Variants in AHNAK observed in about 807,000 individuals in gnomAD.
The protein encoded by AHNAK is neuroblast differentiation-associated protein AHNAK.
AHNAK carries 23 observed loss-of-function variants against 37.8 expected under a neutral mutation model. The ratio of observed to expected loss-of-function variants is 0.61; its 90% CI spans 0.44 to 0.86. The LOEUF (loss-of-function observed/expected upper bound fraction) is 0.86, where lower values mean the gene tolerates loss of function less well. AHNAK is among the 40% of genes least tolerant of loss of function. AHNAK has a pLI of 0.00. For synonymous variants in AHNAK, 2,481 were observed against 2,636.3 expected (o/e 0.94, Z 1.80); for missense variants, 7,411 against 7,319.4 (o/e 1.01, Z -0.46).
At chr11:62,490,795 GT>G (rs781203120) in intron 5 of AHNAK, among the ~76,000 whole-genome samples, 63 of 149,554 alleles carry the variant, frequency 4.2e-4, no homozygotes, top group Non-Finnish European at 8.5e-4. Context: ...GTTTTGTTTT[GT>G]TTTTTTGGGA....
At chr11:62,443,100 T>C (rs1938346142) in intron 5 of AHNAK, among the ~76,000 whole-genome samples, 1 of 150,542 alleles carries the variant, frequency 6.6e-6, no homozygotes. Flanking sequence ...GCCTCCCAAG[T>C]AGCTGGGACT....
At chr11:62,465,570 G>A (rs1938894515) in intron 5 of AHNAK, among the ~76,000 whole-genome samples, 2 of 151,990 alleles carry the variant, frequency 1.3e-5, no homozygotes, top group African/African-American at 4.8e-5. Context: ...CCAAGATCGT[G>A]CCATTGCACT....
Position 62,529,076 on chromosome 11 carries a change from CCTTGGGAGCTTTTATATTCAA to C in AHNAK, c.5320_5340del (p.Leu1774_Lys1780del), listed in dbSNP as rs772711162. The C allele has an allele frequency of 3.7e-5, 59 of 1,613,794 alleles. No individual in the cohort carries two copies. In the African/African-American group the frequency reaches 4.5e-4, roughly 12 times the overall value. ...TTCAAGTCCACATCTGGCATGGAGA[CCTTGGGAGCTTTTATATTCAA>C]CTTGGGCATCTTAAATTTGGAGCCT... On this transcript the variant is annotated inframe_deletion, in exon 5 of 5. Transcript: ENST00000378024.
chr11:62,491,924 A>G, intron 4 of AHNAK: 2 of 1,185,380 alleles, frequency 1.7e-6, no homozygotes, highest in East Asian at 2.6e-5. Flanking sequence ...ATAAAATACC[A>G]GAGACCCCAC....
Position 62,532,649 on chromosome 11 carries a change from T to TG in AHNAK, c.1767dup (p.Thr590HisfsTer13), listed in dbSNP as rs1452953633. On this transcript the variant is annotated frameshift_variant, in exon 5 of 5. Transcript: ENST00000378024. LOFTEE classifies it low-confidence loss of function (END_TRUNC). ...ACTTTCCCTTCTACTCTGGGGAGTG[T>TG]GACATCTACACCCCCTTTCACTTTA... 6.2e-7 allele frequency: 1 copy of TG among 1,611,698 alleles called. No individual in the cohort carries two copies.
intron 5 of AHNAK, among the ~76,000 whole-genome samples, chr11:62,464,542 C>T (rs1938863756): frequency 6.6e-6 from 1 of 152,056 alleles, no homozygotes; most frequent in South Asian, 2.1e-4. Flanking sequence ...GTGCCACGCA[C>T]CTGTAGTCCC....
intron 5 of AHNAK, among the ~76,000 whole-genome samples, chr11:62,434,734 G>C (rs1485768830): frequency 6.6e-6 from 1 of 152,050 alleles, no homozygotes; most frequent in Non-Finnish European, 1.5e-5. Flanking sequence ...TCAAGACCAG[G>C]CTGACCAACA....
intron 5 of AHNAK, among the ~76,000 whole-genome samples, chr11:62,477,136 C>T (rs566778248): frequency 1.3e-5 from 2 of 152,158 alleles, no homozygotes; most frequent in African/African-American, 2.4e-5. Context: ...GCAGGGAAAA[C>T]GCTTCCACAA....
chr11:62,508,781 C>A (rs1346306397), intron 4 of AHNAK, among the ~76,000 whole-genome samples: 1 of 152,192 alleles, frequency 6.6e-6, no homozygotes, highest in African/African-American at 2.4e-5. Flanking sequence ...GGCATTCATG[C>A]ATGGAATTCT....
Position 62,527,583 on chromosome 11 carries a change from C to T in AHNAK, c.6834G>A (p.Lys2278=). The change falls in exon 5 of 5, where the codon AAG becomes AAA. Residue 2278 remains lysine, a synonymous_variant. Transcript: ENST00000378024. ...PKADVDVSGP[K]VDVEVPDVSL... ...TCACATCTGGGACTTCAACATCCAC[C>T]TTGGGTCCTGAGACATCAACGTCAG... 6.2e-7 allele frequency: 1 copy of T among 1,613,200 alleles called. No homozygotes were observed. The highest frequency in any genetic ancestry group is 8.5e-7 in the Non-Finnish European group (1 of 1,179,830).
chr11:62,509,081 C>T (rs1047502371), intron 4 of AHNAK, among the ~76,000 whole-genome samples: 7 of 152,120 alleles, frequency 4.6e-5, no homozygotes, highest in Admixed American at 3.9e-4. Context: ...CCTCCTGACA[C>T]GAGGCACCAA....
At chr11:62,433,841 C>CA in exon 6 of AHNAK, 1 of 1,613,512 alleles carries the variant, frequency 6.2e-7, no homozygotes, top group South Asian at 1.1e-5. Context: ...AGAACGGTCA[C>CA]AAAAACAACC....
In AHNAK at chr11:62,525,132, G is replaced by A. The variant is rs767657390; in HGVS notation, c.9285C>T (p.Asp3095=). The change falls in exon 5 of 5, where the codon GAC becomes GAT. Residue 3095 remains aspartate, a synonymous_variant. Transcript: ENST00000378024. ...NIKAPKISMP[D]IDLNLKGPKV... ...TGGGACCTTTCAGGTTAAGATCAAT[G>A]TCAGGCATGGAGATCTTGGGGGCTT... The A allele has an allele frequency of 4.3e-5, 69 of 1,613,768 alleles. No homozygotes were observed. The South Asian group carries it at 6.4e-4, about 15-fold the overall frequency.
chr11:62,525,448 C>G lies in AHNAK; in HGVS notation c.8969G>C (p.Gly2990Ala). The change falls in exon 5 of 5, where the codon GGT (glycine) becomes GCT (alanine). Residue 2990 changes from glycine to alanine, a missense_variant. Gly to Ala is a moderately conservative substitution (Grantham distance 60). Coordinates refer to ENST00000378024, the MANE Select transcript of AHNAK (RefSeq NM_001620.3). Reference protein sequence around the residue: ...DVDISLPKVEGDLKGPEVDIR... With the variant: ...DVDISLPKVEADLKGPEVDIR... ...GTCAACTTCAGGGCCCTTGAGGTCA[C>G]CTTCCACTTTGGGCAGAGAAATATC... 1 of 1,613,554 alleles carries G rather than the reference C, an allele frequency of 6.2e-7. No individual in the cohort carries two copies. The highest frequency in any genetic ancestry group is 8.5e-7 in the Non-Finnish European group (1 of 1,179,968).
rs1222764918 is a variant in AHNAK, at chr11:62,518,182, C to T, written c.16235G>A (p.Gly5412Asp). The T allele has an allele frequency of 6.2e-7, 1 of 1,614,172 alleles. No homozygotes were observed. ...CAAGTCGGACCCCGGAGTAGAGATG[C>T]CAAATTGGGGCAGCTTCATTTTGGG... ...KLPKMKLPQF[G>D]ISTPGSDLHV... is the part of the protein sequence containing the mutation. The change falls in exon 5 of 5, where the codon GGC becomes GAC. Residue 5412 changes from glycine to aspartate, a missense_variant. Transcript: ENST00000378024.
At chr11:62,540,599 C>A (rs918898340) in intron 1 of AHNAK, among the ~76,000 whole-genome samples, 4 of 152,166 alleles carry the variant, frequency 2.6e-5, no homozygotes, top group African/African-American at 9.7e-5. Context: ...CGCTTGAACC[C>A]AGGAGTTTGA....
At chr11:62,486,509 A>G (rs73498090) in intron 5 of AHNAK, among the ~76,000 whole-genome samples, 21,278 of 127,264 alleles carry the variant, frequency 0.17, 2,930 homozygotes, top group East Asian at 0.45. Flanking sequence ...GAAGAAAGGA[A>G]GGAAGGAAGA....
rs1276934852 is a variant in AHNAK, at chr11:62,525,232, A to G, written c.9185T>C (p.Val3062Ala). 1 of 1,607,556 alleles carries G rather than the reference A, an allele frequency of 6.2e-7. No homozygotes were observed. The highest frequency in any genetic ancestry group is 1.7e-5 in the Admixed American group (1 of 59,142). ...DVSGPKVDID[V>A]PDVNIEGPEG... ...TGGGCCTTCGATATTCACATCTGGA[A>G]CATCAATGTCCACCTTGGGTCCTGA... Residue 3062 changes from valine to alanine, a missense_variant, in exon 5 of 5, where the codon GTT becomes GCT. Physicochemically the swap from Val to Ala is moderately conservative, Grantham distance 64. Coordinates refer to ENST00000378024, the MANE Select transcript of AHNAK (RefSeq NM_001620.3).
At chr11:62,445,253 A>G (rs755051404) in intron 5 of AHNAK, among the ~76,000 whole-genome samples, 17 of 152,188 alleles carry the variant, frequency 1.1e-4, no homozygotes, top group Non-Finnish European at 2.5e-4. Context: ...GCTTCTGAAC[A>G]TTCCCGCTAA....
Sources: gnomAD v4.1 joint callset for allele counts (sites outside exome capture counted in the v4.1 genomes callset) on GRCh38, gnomAD v4.1.1 for gene constraint, MANE v1.5 for transcripts, NCBI Gene and HGNC (gene_info 2026-07-23, HGNC 2026-07-21) for gene names.